CCDC69: variants seen among roughly 807,000 people sequenced by gnomAD.
The protein encoded by CCDC69 is coiled-coil domain containing 69, also known as coiled-coil domain-containing protein 69.
A neutral mutation model predicts 40.3 loss-of-function variants in CCDC69; 38 were observed. The observed-to-expected ratio is 0.94, with a 90% CI of 0.73 to 1.24. The LOEUF is 1.24. Among genes scored for constraint, CCDC69 ranks in the 50% most tolerant of loss-of-function variants. The pLI is 0.00. For missense variants in CCDC69, 389 were observed against 357.9 expected, an observed-to-expected ratio of 1.09 and a Z score of -0.70; for synonymous variants, 141 against 138.9, an observed-to-expected ratio of 1.02 and a Z score of -0.11.
At chr5:151,198,291 G>GATCGATCTATCT (rs1376552656) in intron 4 of CCDC69, among the ~76,000 whole-genome samples, 12 of 141,824 alleles carry the variant, frequency 8.5e-5, no homozygotes, top group African/African-American at 1.8e-4. Context: ...GAATGAGATT[G>GATCGATCTATCT]ATCTATCTAT....
At chr5:151,222,165 TCA>T (rs1172787235) in intron 1 of CCDC69, among the ~76,000 whole-genome samples, 1 of 152,244 alleles carries the variant, frequency 6.6e-6, no homozygotes, top group Non-Finnish European at 1.5e-5. Flanking sequence ...CTCTGTGACC[TCA>T]GTCATGCTCC....
chr5:151,181,775 C>T lies in CCDC69; in HGVS notation c.*1662G>A, dbSNP rs1188930022. 2.0e-5 allele frequency: 3 copies of T among 152,230 alleles called. No homozygotes were observed. The highest frequency in any genetic ancestry group is 4.4e-5 in the Non-Finnish European group (3 of 68,058). The allele number at this position is 152,230 out of a possible 1,614,324, so 9.4% of individuals were successfully genotyped here. ...ACATTAGTTCAATAAACTAGTGTAT[C>T]GCAGATGTGCTTTGCAAAAAGCTTC... On this transcript the variant is annotated 3_prime_UTR_variant, in exon 9 of 9. Coordinates refer to ENST00000355417, the MANE Select transcript of CCDC69 (RefSeq NM_015621.3).
chr5:151,202,768 G>A (rs1752793198), intron 2 of CCDC69, among the ~76,000 whole-genome samples: 1 of 152,134 alleles, frequency 6.6e-6, no homozygotes, highest in Admixed American at 6.5e-5. Flanking sequence ...AACAGGACCT[G>A]CCAATGCCAC....
chr5:151,194,190 C>T (rs1309320042), intron 4 of CCDC69, among the ~76,000 whole-genome samples: 1 of 152,204 alleles, frequency 6.6e-6, no homozygotes, highest in African/African-American at 2.4e-5. Context: ...TATGACCTAT[C>T]CCACTCCTGT....
Position 151,212,678 on chromosome 5 carries a change from A to G in CCDC69, c.49-7203T>C, listed in dbSNP as rs1034372586. 1.8e-4 allele frequency: 77 copies of G among 416,266 alleles called. 4 individuals carry two copies. Among genetic ancestry groups the G allele is most frequent in the South Asian group, 1.3e-3 (76 of 60,004 alleles). The allele number at this position is 416,266 out of a possible 1,614,324, so 25.8% of individuals were successfully genotyped here. Reference sequence around the variant, plus strand: ...GTAGGAGGTGGCTCAAAACCAAATTATAGGAGGGGCTGTTAACAGAACAAG... The same window carrying G: ...GTAGGAGGTGGCTCAAAACCAAATTGTAGGAGGGGCTGTTAACAGAACAAG... On this transcript the variant is annotated intron_variant, in intron 1 of 8. Coordinates refer to ENST00000355417, the MANE Select transcript of CCDC69 (RefSeq NM_015621.3).
Position 151,205,472 on chromosome 5 carries a change from G to C in CCDC69, c.52C>G (p.Arg18Gly). 6.2e-7 allele frequency: 1 copy of C among 1,614,100 alleles called. No homozygotes were observed. The highest frequency in any genetic ancestry group is 8.5e-7 in the Non-Finnish European group (1 of 1,179,968). ...GGCTGTTCTGGTTCTGGTTCTTGGC[G>C]CTTCTGGAAGAAATGAGACAACAGC... ...LSSCKPPKKK[R>G]QEPEPEQPPR... Residue 18 changes from arginine (R) to glycine (G), a missense_variant, in exon 2 of 9, where the codon CGC (arginine) becomes GGC (glycine). Coordinates refer to ENST00000355417, the MANE Select transcript of CCDC69 (RefSeq NM_015621.3).
chr5:151,197,543 C>CA (rs202175595), intron 4 of CCDC69, among the ~76,000 whole-genome samples: 232 of 151,292 alleles, frequency 1.5e-3, no homozygotes, highest in African/African-American at 4.0e-3. Context: ...ACAAACAAAA[C>CA]AAAAAAAACA....
At chr5:151,184,716 C>A in intron 7 of CCDC69, 1 of 332,014 alleles carries the variant, frequency 3.0e-6, no homozygotes, top group Non-Finnish European at 5.6e-6. Flanking sequence ...GTTTTGTTCT[C>A]CAAAAGTCAG....
At chr5:151,197,057 T>A (rs1333761019) in intron 4 of CCDC69, among the ~76,000 whole-genome samples, 1 of 152,048 alleles carries the variant, frequency 6.6e-6, no homozygotes, top group Non-Finnish European at 1.5e-5. Flanking sequence ...AGATGCATGC[T>A]GCAACACAGA....
intron 3 of CCDC69, among the ~76,000 whole-genome samples, chr5:151,199,476 C>T (rs1752749302): frequency 2.6e-5 from 4 of 152,074 alleles, no homozygotes; most frequent in Admixed American, 2.6e-4. Context: ...CAGACTGTTC[C>T]CTCAACCCAG....
In CCDC69 at chr5:151,184,200, C is replaced by T. The variant is rs1766685227; in HGVS notation, c.713+144G>A. 9.4e-6 allele frequency: 6 copies of T among 639,424 alleles called. No individual in the cohort carries two copies. The Admixed American group carries it at 1.4e-4, about 15-fold the overall frequency. 39.6% of individuals were successfully genotyped at this position (639,424 alleles called of 1,614,324 possible). ...AACTGCCCCCTTGGGTTTCTTGACTCCCAGGGAAAGAGGAGCCACATTCCC... is the reference window on the plus strand; with the variant it reads ...AACTGCCCCCTTGGGTTTCTTGACTTCCAGGGAAAGAGGAGCCACATTCCC... On this transcript the variant is annotated intron_variant, in intron 8 of 8. Transcript: ENST00000355417.
At chr5:151,205,344 A>G in intron 2 of CCDC69, 56 bp downstream of exon 2, 1 of 1,314,192 alleles carries the variant, frequency 7.6e-7, no homozygotes, top group Non-Finnish European at 1.1e-6. Context: ...TGTGTTGATT[A>G]TAAGGTAGGA....
At chr5:151,190,995 C>G (rs1752604215) in intron 4 of CCDC69, among the ~76,000 whole-genome samples, 1 of 151,608 alleles carries the variant, frequency 6.6e-6, no homozygotes, top group Admixed American at 6.6e-5. Context: ...TTTTTAAAAA[C>G]CCACCTGATG....
chr5:151,223,157 G>A (rs1220160956), intron 1 of CCDC69, among the ~76,000 whole-genome samples: 1 of 152,148 alleles, frequency 6.6e-6, no homozygotes, highest in East Asian at 1.9e-4. Context: ...TGACCTTCTG[G>A]GCTCGTCAGA....
intron 1 of CCDC69, among the ~76,000 whole-genome samples, chr5:151,207,252 T>C (rs1017779292): frequency 4.0e-5 from 6 of 150,406 alleles, no homozygotes; most frequent in South Asian, 4.2e-4. Context: ...AGAGTTGATA[T>C]GGGCTGATGA....
At chr5:151,186,475 G>C (rs968192744) in intron 5 of CCDC69, among the ~76,000 whole-genome samples, 2 of 151,814 alleles carry the variant, frequency 1.3e-5, no homozygotes, top group Non-Finnish European at 2.9e-5. Flanking sequence ...GAGGGAGAAG[G>C]AGAGGAGATG....
chr5:151,199,017 T>G lies in CCDC69; in HGVS notation c.299A>C (p.Lys100Thr), dbSNP rs1162402368. The G allele has an allele frequency of 6.2e-7, 1 of 1,613,962 alleles. No homozygotes were observed. Among genetic ancestry groups the G allele is most frequent in the Non-Finnish European group, 8.5e-7 (1 of 1,179,946 alleles). ...CTTACCTTGCAGGGCCTCTTCATTCTTTCCTTCCAGGACCCTTTGCTGCTC... is the reference window on the plus strand; with the variant it reads ...CTTACCTTGCAGGGCCTCTTCATTCGTTCCTTCCAGGACCCTTTGCTGCTC... ...LDEQQRVLEG[K>T]NEEALQVLRA... The change falls in exon 4 of 9, where the codon AAG becomes ACG. Residue 100 changes from lysine to threonine, a missense_variant. Physicochemically the swap from Lys to Thr is moderately conservative, Grantham distance 78. Coordinates refer to ENST00000355417, the MANE Select transcript of CCDC69 (RefSeq NM_015621.3).
chr5:151,190,550 C>G (rs1352527067), intron 4 of CCDC69, among the ~76,000 whole-genome samples: 2 of 150,850 alleles, frequency 1.3e-5, no homozygotes, highest in Non-Finnish European at 2.9e-5. Context: ...CCTGTAATTT[C>G]AGCTACTTGG....
At chr5:151,184,223 C>T in intron 8 of CCDC69, 121 bp downstream of exon 8, 1 of 715,346 alleles carries the variant, frequency 1.4e-6, no homozygotes, top group Non-Finnish European at 2.4e-6. Flanking sequence ...GAGCCACATT[C>T]CCTAAATAGG....
Sources: gnomAD v4.1 joint callset for allele counts (sites outside exome capture counted in the v4.1 genomes callset) on GRCh38, gnomAD v4.1.1 for gene constraint, MANE v1.5 for transcripts, NCBI Gene and HGNC (gene_info 2026-07-23, HGNC 2026-07-21) for gene names.